Variants in PRMT5 observed in about 807,000 individuals in gnomAD.
The protein encoded by PRMT5 is protein arginine methyltransferase 5.
In PRMT5, 15 loss-of-function variants were observed where a neutral mutation model predicts 84.0. The ratio of observed to expected loss-of-function variants is 0.18; its 90% CI spans 0.12 to 0.28. The LOEUF is 0.28. Ranked by LOEUF, PRMT5 falls within the 10% of genes least tolerant of loss-of-function variation. The pLI, the probability that PRMT5 is intolerant of heterozygous loss-of-function variation, is 1.00. For missense variants in PRMT5, 486 were observed against 808.0 expected, an observed-to-expected ratio of 0.60 and a Z score of 4.83; for synonymous variants, 276 against 292.4, an observed-to-expected ratio of 0.94 and a Z score of 0.57.
At position 22,926,371 on chromosome 14, in the gene PRMT5, G is replaced by A. The variant is rs968126255; in HGVS notation, c.614-75C>T. 1.6e-5 allele frequency: 25 copies of A among 1,596,124 alleles called. No homozygotes were observed. In the African/African-American group the frequency reaches 3.2e-4, roughly 21 times the overall value. ...TTCCTTGCTCCTTTGCGCAAAATCT[G>A]TTTACTTCTTTAAGAGAAAGCCAGT... On this transcript the variant is annotated intron_variant, in intron 6 of 16. Transcript: ENST00000324366.
Position 22,923,420 on chromosome 14 carries a change from G to A in PRMT5, c.1376-260C>T, listed in dbSNP as rs2044348068. ...AGAACCCAAGATAGTCTAATCTGGT[G>A]GTTCTTAACTTTTGTGGGGTCACAA... On this transcript the variant is annotated intron_variant, in intron 12 of 16. Coordinates refer to ENST00000324366, the MANE Select transcript of PRMT5 (RefSeq NM_006109.5). This position sits in a 1 kb window ranked among gnomAD's most constrained non-coding sequence, Gnocchi z 5.2. 3.2e-6 allele frequency: 1 copy of A among 310,826 alleles called. No individual in the cohort carries two copies. The allele number at this position is 310,826 out of a possible 1,614,324, so 19.3% of individuals were successfully genotyped here.
rs1364111367 is a variant in PRMT5 at position 22,928,967 on chromosome 14, C to T, written c.110+285G>A. 4.5e-6 allele frequency: 3 copies of T among 663,206 alleles called. No individual in the cohort carries two copies. The highest frequency in any genetic ancestry group is 3.0e-5 in the Admixed American group (1 of 33,492). 41.1% of individuals were successfully genotyped at this position (663,206 alleles called of 1,614,324 possible). Reference sequence around the variant, plus strand: ...AAAATTAGCCTCTTCTCTCCCTTGCCCCCTAACACCTCCTCCCACTCCCAG... The same window carrying T: ...AAAATTAGCCTCTTCTCTCCCTTGCTCCCTAACACCTCCTCCCACTCCCAG... On this transcript the variant is annotated intron_variant, in intron 1 of 16. Coordinates refer to ENST00000324366, the MANE Select transcript of PRMT5 (RefSeq NM_006109.5). The surrounding 1 kb of genome is among the most constrained non-coding windows in gnomAD (Gnocchi z 4.8).
In PRMT5 at chr14:22,929,362, C is replaced by T. The variant is rs1376185813; in HGVS notation, c.-1G>A. ...CACCCCCGACCGCCATCGCCGCCATCTTTCTCCTCGCGCTGTCCACGCCGG... is the reference window on the plus strand; with the variant it reads ...CACCCCCGACCGCCATCGCCGCCATTTTTCTCCTCGCGCTGTCCACGCCGG... On this transcript the variant is annotated 5_prime_UTR_variant, in exon 1 of 17. Coordinates refer to ENST00000324366, the MANE Select transcript of PRMT5 (RefSeq NM_006109.5). 1.2e-6 allele frequency: 2 copies of T among 1,606,562 alleles called. No homozygotes were observed. The highest frequency in any genetic ancestry group is 1.7e-5 in the Admixed American group (1 of 59,796).
In PRMT5 at chr14:22,923,793, G is replaced by A. The variant is rs1286342413; in HGVS notation, c.1375+215C>T. 1.3e-5 allele frequency among the ~76,000 whole-genome samples: 2 copies of A among 152,108 alleles called. No homozygotes were observed. The highest frequency in any genetic ancestry group is 6.6e-5 in the Admixed American group (1 of 15,246). ...GCTGCAATTACAGGCATGAGCCACC[G>A]CGCCCAGCCCACTCCCTTCATTTTA... On this transcript the variant is annotated intron_variant, in intron 12 of 16. Coordinates refer to ENST00000324366, the MANE Select transcript of PRMT5 (RefSeq NM_006109.5). The surrounding 1 kb of genome is among the most constrained non-coding windows in gnomAD (Gnocchi z 5.2).
At position 22,924,292 on chromosome 14, in the gene PRMT5, T is replaced by TC. The variant is rs34369317; in HGVS notation, c.1176dup (p.Lys393GlufsTer15). 6.2e-7 allele frequency: 1 copy of TC among 1,614,120 alleles called. No individual in the cohort carries two copies. Among genetic ancestry groups the TC allele is most frequent in the Non-Finnish European group, 8.5e-7 (1 of 1,180,014 alleles). The stretch of plus-strand genomic sequence containing the variant: ...CACGTCACCACGGCATTTGGGTTTT[T>TC]CTCCACAGCATACAGCTTTATCCGC... On this transcript the variant is annotated frameshift_variant, in exon 11 of 17. Transcript: ENST00000324366. LOFTEE classifies it high-confidence loss of function. The surrounding 1 kb of genome is among the most constrained non-coding windows in gnomAD (Gnocchi z 6.5).
chr14:22,923,956 G>A lies in PRMT5; in HGVS notation c.1375+52C>T. The A allele has an allele frequency of 6.6e-7, 1 of 1,515,850 alleles. No individual in the cohort carries two copies. Among genetic ancestry groups the A allele is most frequent in the Non-Finnish European group, 8.8e-7 (1 of 1,134,480 alleles). The allele number at this position is 1,515,850 out of a possible 1,614,324, so 93.9% of individuals were successfully genotyped here. On this transcript the variant is annotated intron_variant, in intron 12 of 16. Coordinates refer to ENST00000324366, the MANE Select transcript of PRMT5 (RefSeq NM_006109.5). This position sits in a 1 kb window ranked among gnomAD's most constrained non-coding sequence, Gnocchi z 5.2. ...CCTAAACCCTGTACCCTCCTCCCAG[G>A]TTGCTGTCTCACCCATCATCACCCT...
At position 22,920,886 on chromosome 14, in the gene PRMT5, G is replaced by A; in HGVS notation, c.*18C>T. ...ACCTGAAGCTGCTTCCAAGGCTCTG[G>A]ACACTTGGCACGCAGGGCTAGAGGC... On this transcript the variant is annotated 3_prime_UTR_variant, in exon 17 of 17. Transcript: ENST00000324366. The A allele has an allele frequency of 6.2e-7, 1 of 1,613,714 alleles. No homozygotes were observed.
At position 22,924,886 on chromosome 14, in the gene PRMT5, G is replaced by A. The variant is rs1051763125; in HGVS notation, c.932C>T (p.Pro311Leu). The A allele has an allele frequency of 6.2e-7, 1 of 1,614,002 alleles. No homozygotes were observed. The highest frequency in any genetic ancestry group is 8.5e-7 in the Non-Finnish European group (1 of 1,179,958). The change falls in exon 8 of 17, where the codon CCG becomes CTG. Residue 311 changes from proline (P) to leucine (L), a missense_variant. Physicochemically the swap from Pro to Leu is moderately conservative, Grantham distance 98. This residue lies in a region of PRMT5 where 219 missense variants were observed against 433.6 expected (regional missense o/e 0.51). Transcript: ENST00000324366. The surrounding 1 kb of genome is among the most constrained non-coding windows in gnomAD (Gnocchi z 6.5). ...AGTGCACTCCAGACCCACCTGAAGCGGGGACTGCAGATAGTCTTCATAGCC... is the reference window on the plus strand; with the variant it reads ...AGTGCACTCCAGACCCACCTGAAGCAGGGACTGCAGATAGTCTTCATAGCC... ...AKGYEDYLQS[P>L]LQPLMDNLES...
chr14:22,927,014 A>G lies in PRMT5; in HGVS notation c.451-200T>C, dbSNP rs8005846. ...TGCCTTGTCTTACGTAAGTTTCCAA[A>G]ATAATTACATTTACATGTTTTGAAA... On this transcript the variant is annotated intron_variant, in intron 4 of 16. Coordinates refer to ENST00000324366, the MANE Select transcript of PRMT5 (RefSeq NM_006109.5). 685 of 580,046 alleles carry G rather than the reference A, an allele frequency of 1.2e-3. 3 individuals carry two copies. The highest frequency in any genetic ancestry group is 0.01 in the African/African-American group (554 of 53,518). 35.9% of individuals were successfully genotyped at this position (580,046 alleles called of 1,614,324 possible).
rs762929961 is a variant in PRMT5 at position 22,920,692 on chromosome 14, C to G, written c.*212G>C. On this transcript the variant is annotated 3_prime_UTR_variant, in exon 17 of 17. Transcript: ENST00000324366. Reference sequence around the variant, plus strand: ...CTTCAAATCCAGCACTAATTCCTCACCCCCTGGCCTGAGGTCTTCATAGAT... The same window carrying G: ...CTTCAAATCCAGCACTAATTCCTCAGCCCCTGGCCTGAGGTCTTCATAGAT... The G allele has an allele frequency of 1.3e-6, 1 of 746,398 alleles. No individual in the cohort carries two copies. The highest frequency in any genetic ancestry group is 2.7e-5 in the East Asian group (1 of 36,728). 46.2% of individuals were successfully genotyped at this position (746,398 alleles called of 1,614,324 possible). A position where few individuals can be genotyped will look rare whatever the true frequency, so the allele number is the denominator to read the frequency against.
At position 22,924,239 on chromosome 14, in the gene PRMT5, C is replaced by G. The variant is rs749126469; in HGVS notation, c.1199+31G>C. On this transcript the variant is annotated intron_variant, in intron 11 of 16. Transcript: ENST00000324366. The surrounding 1 kb of genome is among the most constrained non-coding windows in gnomAD (Gnocchi z 6.5). ...TGTTAAGGAAATTTGGCAATGAGGA[C>G]TAACTTCCCAGCAAGCAGGTTGCTA... The G allele has an allele frequency of 3.1e-6, 5 of 1,612,968 alleles. No individual in the cohort carries two copies. The highest frequency in any genetic ancestry group is 4.2e-6 in the Non-Finnish European group (5 of 1,179,250).
In PRMT5 at chr14:22,920,570, C is replaced by A; in HGVS notation, c.*334G>T. ...AACTTTATTTGTATTTCCTCTTACA[C>A]AAAACCATCAAAACAAGAACAGAAA... On this transcript the variant is annotated 3_prime_UTR_variant, in exon 17 of 17. Transcript: ENST00000324366. 1 of 510,108 alleles carries A rather than the reference C, an allele frequency of 2.0e-6. No individual in the cohort carries two copies. 31.6% of individuals were successfully genotyped at this position (510,108 alleles called of 1,614,324 possible). A position where few individuals can be genotyped will look rare whatever the true frequency, so the allele number is the denominator to read the frequency against.
At chr14:22,922,365 T>G in intron 15 of PRMT5, 78 bp downstream of exon 15, 3 of 1,429,404 alleles carry the variant, frequency 2.1e-6, no homozygotes, top group Non-Finnish European at 3.0e-6. Flanking sequence ...CCCCCATAAA[T>G]CTAAATGACA....
At chr14:22,925,122 T>C in intron 7 of PRMT5, 82 bp from the exon 8 acceptor site, 1 of 1,452,096 alleles carries the variant, frequency 6.9e-7, no homozygotes, top group Non-Finnish European at 9.3e-7. Flanking sequence ...AGAGCCCTAG[T>C]GTAAAATAAG....
In PRMT5 at chr14:22,924,316, G is replaced by T; in HGVS notation, c.1153C>A (p.Arg385=). The T allele has an allele frequency of 6.8e-6, 11 of 1,614,120 alleles. No individual in the cohort carries two copies. The highest frequency in any genetic ancestry group is 9.3e-6 in the Non-Finnish European group (11 of 1,180,026). ...SLRAAKQADR[R]IKLYAVEKNP... ...TTCTCCACAGCATACAGCTTTATCC[G>T]CCGGTCGGCCTGCTTGGCTGCCCGC... is the stretch of plus-strand genomic sequence containing the variant. Residue 385 remains arginine, a synonymous_variant, in exon 11 of 17, where the codon CGG becomes AGG. Coordinates refer to ENST00000324366, the MANE Select transcript of PRMT5 (RefSeq NM_006109.5). The surrounding 1 kb of genome is among the most constrained non-coding windows in gnomAD (Gnocchi z 6.5).
chr14:22,923,937 C>T lies in PRMT5; in HGVS notation c.1375+71G>A. 1 of 1,502,504 alleles carries T rather than the reference C, an allele frequency of 6.7e-7. No individual in the cohort carries two copies. The highest frequency in any genetic ancestry group is 1.3e-5 in the South Asian group (1 of 74,868). The allele number at this position is 1,502,504 out of a possible 1,614,324, so 93.1% of individuals were successfully genotyped here. A position where few individuals can be genotyped will look rare whatever the true frequency, so the allele number is the denominator to read the frequency against. On this transcript the variant is annotated intron_variant, in intron 12 of 16. Coordinates refer to ENST00000324366, the MANE Select transcript of PRMT5 (RefSeq NM_006109.5). The surrounding 1 kb of genome is among the most constrained non-coding windows in gnomAD (Gnocchi z 5.2). ...CAGGTCCAACCCACTTTCCCCTAAA[C>T]CCTGTACCCTCCTCCCAGGTTGCTG... is the stretch of plus-strand genomic sequence containing the variant.
At chr14:22,926,052 T>G in intron 7 of PRMT5, 81 bp downstream of exon 7, 1 of 1,385,972 alleles carries the variant, frequency 7.2e-7, no homozygotes, top group Admixed American at 2.2e-5. Context: ...AGAGTCAGCC[T>G]CACAGGAAAA....
Position 22,921,060 on chromosome 14 carries a change from T to C in PRMT5, c.1762-4A>G. The C allele has an allele frequency of 6.2e-7, 1 of 1,614,030 alleles. No homozygotes were observed. Among genetic ancestry groups the C allele is most frequent in the Non-Finnish European group, 8.5e-7 (1 of 1,180,036 alleles). On this transcript the variant is annotated splice_polypyrimidine_tract_variant and splice_region_variant and intron_variant, in intron 16 of 16. Transcript: ENST00000324366. ...CTTCACGTACCGTTATGGGCTGCTG[T>C]AAGAAGAAAGACAGGAAGGTTCAGG... is the stretch of plus-strand genomic sequence containing the variant.
chr14:22,921,597 A>AGATCAG (rs1375254875), intron 16 of PRMT5, among the ~76,000 whole-genome samples: 1 of 152,190 alleles, frequency 6.6e-6, no homozygotes, highest in Non-Finnish European at 1.5e-5. Flanking sequence ...AAGAGAGATA[A>AGATCAG]GATCAGGCCA....
Sources: allele counts gnomAD v4.1 joint callset (sites outside exome capture counted in the v4.1 genomes callset), GRCh38; gene constraint gnomAD v4.1.1; regional missense constraint gnomAD v4.1.1; non-coding constraint Gnocchi (gnomAD v3.1); transcripts MANE v1.5; gene names NCBI Gene and HGNC (gene_info 2026-07-23, HGNC 2026-07-21).